Variants in IRAK3 observed in about 807,000 individuals in gnomAD.
IRAK3 encodes the protein interleukin 1 receptor associated kinase 3.
A neutral mutation model predicts 56.6 loss-of-function variants in IRAK3; 57 were observed. The observed-to-expected ratio is 1.01, with a 90% confidence interval of 0.81 to 1.26. IRAK3 has a LOEUF of 1.26. Ranked by LOEUF, IRAK3 falls within the 50% of genes most tolerant of loss-of-function variation. The pLI, the probability that IRAK3 is intolerant of heterozygous loss-of-function variation, is 0.00. For synonymous variants in IRAK3, 258 were observed against 255.7 expected (o/e 1.01, Z -0.09); for missense variants, 703 against 719.0 (o/e 0.98, Z 0.25).
At chr12:66,240,845 G>GTA (rs1315622441) in intron 8 of IRAK3, among the ~76,000 whole-genome samples, 1 of 147,820 alleles carries the variant, frequency 6.8e-6, no homozygotes, top group Non-Finnish European at 1.5e-5. Context: ...AAATATATCG[G>GTA]TATATATATT....
intron 8 of IRAK3, among the ~76,000 whole-genome samples, chr12:66,230,394 T>C (rs2052831914): frequency 6.6e-6 from 1 of 152,062 alleles, no homozygotes; most frequent in African/African-American, 2.4e-5. Context: ...TGAGTTGGGA[T>C]ATTATTGTCA....
At position 66,254,619 on chromosome 12, in the gene IRAK3, A is replaced by G. The variant is rs2053137426; in HGVS notation, c.*6448A>G. 6.6e-6 allele frequency: 1 copy of G among 152,032 alleles called. No homozygotes were observed. The highest frequency in any genetic ancestry group is 1.5e-5 in the Non-Finnish European group (1 of 67,956). 9.4% of individuals were successfully genotyped at this position (152,032 alleles called of 1,614,324 possible). A position where few individuals can be genotyped will look rare whatever the true frequency, so the allele number is the denominator to read the frequency against. On this transcript the variant is annotated 3_prime_UTR_variant, in exon 12 of 12. Coordinates refer to ENST00000261233, the MANE Select transcript of IRAK3 (RefSeq NM_007199.3). ...GAAAAGAATAAAGTTTTTGAAAAAAAAAACAGTCATTTTCTACATTTCTAC... is the reference window on the plus strand; with the variant it reads ...GAAAAGAATAAAGTTTTTGAAAAAAGAAACAGTCATTTTCTACATTTCTAC...
intron 1 of IRAK3, among the ~76,000 whole-genome samples, chr12:66,194,968 T>C (rs2052437108): frequency 6.6e-6 from 1 of 152,202 alleles, no homozygotes; most frequent in African/African-American, 2.4e-5. Context: ...AAATTCAATC[T>C]ATATACTACT....
Position 66,235,318 on chromosome 12 carries a change from CGGGGCAGCCT to C in IRAK3, c.887+6952_887+6961del, listed in dbSNP as rs1158061373. ...CGGGCCGCGGCGGCGGGCGCGGGCG[CGGGGCAGCCT>C]GGGCGCGGGGCAGCCTCGCCGCGAG... On this transcript the variant is annotated intron_variant, in intron 8 of 11. Coordinates refer to ENST00000261233, the MANE Select transcript of IRAK3 (RefSeq NM_007199.3). 4.2e-3 allele frequency: 5,126 copies of C among 1,211,204 alleles called. 363 individuals carry two copies. The highest frequency in any genetic ancestry group is 0.032 in the South Asian group (1,197 of 37,034). The allele number at this position is 1,211,204 out of a possible 1,614,324, so 75.0% of individuals were successfully genotyped here. A position where few individuals can be genotyped will look rare whatever the true frequency, so the allele number is the denominator to read the frequency against.
chr12:66,248,050 A>C lies in IRAK3; in HGVS notation c.1670A>C (p.Tyr557Ser), dbSNP rs754949453. ...GTTCCATCCCAGGACTTAAGGCCCT[A>C]TAAGGTAAATATAGATCCTTCTTCA... ...YIVPSQDLRP[Y>S]KVNIDPSSEA... The change falls in exon 12 of 12, where the codon TAT becomes TCT. Residue 557 changes from tyrosine (Y) to serine (S), a missense_variant. Transcript: ENST00000261233. 3 of 1,585,396 alleles carry C rather than the reference A, an allele frequency of 1.9e-6. No homozygotes were observed. The highest frequency in any genetic ancestry group is 1.4e-5 in the African/African-American group (1 of 73,396).
chr12:66,244,052 A>G (rs1346407907), intron 8 of IRAK3, among the ~76,000 whole-genome samples: 2 of 152,250 alleles, frequency 1.3e-5, no homozygotes, highest in South Asian at 2.1e-4. Context: ...ATTCCAAGTT[A>G]GTGGCTCTGC....
intron 1 of IRAK3, among the ~76,000 whole-genome samples, chr12:66,192,848 T>C (rs1487657416): frequency 6.6e-6 from 1 of 152,190 alleles, no homozygotes; most frequent in African/African-American, 2.4e-5. Flanking sequence ...ATTTTATAGA[T>C]AGGTGAACTG....
chr12:66,244,780 G>A, intron 9 of IRAK3, 96 bp downstream of exon 9: 1 of 1,184,872 alleles, frequency 8.4e-7, no homozygotes, highest in South Asian at 1.3e-5. Flanking sequence ...TTGACTCATT[G>A]ATTTCCTGTT....
At chr12:66,238,895 A>G (rs1422566001) in intron 8 of IRAK3, among the ~76,000 whole-genome samples, 1 of 152,224 alleles carries the variant, frequency 6.6e-6, no homozygotes, top group Non-Finnish European at 1.5e-5. Context: ...TAAAGAAAAG[A>G]ATCTTGAAAA....
rs2052598487 is a variant in IRAK3 at position 66,210,221 on chromosome 12, T to C, written c.436+20T>C. ...AAAAAGGTATGAAAAAACCAGTTTTTTTCCAACAATTTTTTTAAAATCATA... is the reference window on the plus strand; with the variant it reads ...AAAAAGGTATGAAAAAACCAGTTTTCTTCCAACAATTTTTTTAAAATCATA... On this transcript the variant is annotated intron_variant, in intron 4 of 11. Coordinates refer to ENST00000261233, the MANE Select transcript of IRAK3 (RefSeq NM_007199.3). The C allele has an allele frequency of 5.4e-6, 8 of 1,472,808 alleles. No individual in the cohort carries two copies. The East Asian group carries it at 1.6e-4, about 29-fold the overall frequency. The allele number at this position is 1,472,808 out of a possible 1,614,324, so 91.2% of individuals were successfully genotyped here.
chr12:66,222,857 G>A (rs537894110), intron 6 of IRAK3, among the ~76,000 whole-genome samples: 7 of 152,290 alleles, frequency 4.6e-5, no homozygotes, highest in Admixed American at 3.3e-4. Flanking sequence ...GCGTCTGTGT[G>A]AAGAGACCAC....
At chr12:66,201,032 G>T (rs1397636586) in intron 1 of IRAK3, among the ~76,000 whole-genome samples, 1 of 152,118 alleles carries the variant, frequency 6.6e-6, no homozygotes. Flanking sequence ...GGCCAGGCTG[G>T]TCTCAAACTC....
Position 66,215,151 on chromosome 12 carries a change from G to A in IRAK3, c.589-2020G>A, listed in dbSNP as rs546807936. 2.2e-3 allele frequency among the ~76,000 whole-genome samples: 331 copies of A among 152,260 alleles called. 3 individuals carry two copies. The highest frequency in any genetic ancestry group is 7.8e-3 in the African/African-American group (322 of 41,540). On this transcript the variant is annotated intron_variant, in intron 5 of 11. Coordinates refer to ENST00000261233, the MANE Select transcript of IRAK3 (RefSeq NM_007199.3). The stretch of plus-strand genomic sequence containing the variant: ...CAAATAGAATGTGGTTGCTCTAGAG[G>A]TGGCCAAGCTAAAGCCTGTTTCTTA...
At chr12:66,226,312 G>C (rs1008283693) in intron 6 of IRAK3, among the ~76,000 whole-genome samples, 37 of 151,758 alleles carry the variant, frequency 2.4e-4, no homozygotes, top group African/African-American at 8.7e-4. Context: ...TGTGATCTTG[G>C]CTCACGGCAA....
chr12:66,210,230 ATT>A, intron 4 of IRAK3, 29 bp downstream of exon 4: 3 of 1,369,836 alleles, frequency 2.2e-6, no homozygotes, highest in Non-Finnish European at 3.1e-6. Context: ...TTTTCCAACA[ATT>A]TTTTTAAAAT....
intron 1 of IRAK3, among the ~76,000 whole-genome samples, chr12:66,194,827 CAA>C (rs71096077): frequency 0.012 from 1,559 of 132,388 alleles, 30 homozygotes; most frequent in African/African-American, 0.036. Context: ...AGACTCCTCT[CAA>C]AAAAAAAAAA....
chr12:66,249,229 TCTCGG>T lies in IRAK3; in HGVS notation c.*1062_*1066del, dbSNP rs1414948401. The T allele has an allele frequency of 6.6e-6, 1 of 152,246 alleles. No individual in the cohort carries two copies. Among genetic ancestry groups the T allele is most frequent in the Non-Finnish European group, 1.5e-5 (1 of 68,108 alleles). 9.4% of individuals were successfully genotyped at this position (152,246 alleles called of 1,614,324 possible). ...TCCAGGCTGGAGTGCAGTGGCACAA[TCTCGG>T]CTCACCGCAAGGTCTGCCTCCCGGG... On this transcript the variant is annotated 3_prime_UTR_variant, in exon 12 of 12. Coordinates refer to ENST00000261233, the MANE Select transcript of IRAK3 (RefSeq NM_007199.3).
In IRAK3 at chr12:66,254,017, T is replaced by C. The variant is rs1322051251; in HGVS notation, c.*5846T>C. On this transcript the variant is annotated 3_prime_UTR_variant, in exon 12 of 12. Transcript: ENST00000261233. ...GATGTGTTATTTTATTTTATTATTATTAATTTTGTCCTCCCATATTGGCAA... is the reference window on the plus strand; with the variant it reads ...GATGTGTTATTTTATTTTATTATTACTAATTTTGTCCTCCCATATTGGCAA... 1 of 152,228 alleles carries C rather than the reference T, an allele frequency of 6.6e-6. No homozygotes were observed. Among genetic ancestry groups the C allele is most frequent in the Non-Finnish European group, 1.5e-5 (1 of 68,030 alleles). 9.4% of individuals were successfully genotyped at this position (152,228 alleles called of 1,614,324 possible).
intron 10 of IRAK3, 25 bp downstream of exon 10, chr12:66,245,035 C>T: frequency 6.2e-7 from 1 of 1,613,690 alleles, no homozygotes; most frequent in Non-Finnish European, 8.5e-7. Flanking sequence ...CATCCTGGCA[C>T]CTATCTCTTG....
Sources: gnomAD v4.1 joint callset for allele counts (sites outside exome capture counted in the v4.1 genomes callset) on GRCh38, gnomAD v4.1.1 for gene constraint, MANE v1.5 for transcripts, NCBI Gene and HGNC (gene_info 2026-07-23, HGNC 2026-07-21) for gene names.